UNC79: variants seen among roughly 807,000 people sequenced by gnomAD.
UNC79 encodes protein unc-79 homolog.
Under a neutral mutation model 283.1 loss-of-function variants are expected in UNC79, and 37 were observed. That is an observed-to-expected ratio of 0.13 (90% CI 0.10 to 0.17). The LOEUF is 0.17. Among genes scored for constraint, UNC79 ranks in the 10% least tolerant of loss-of-function variants. The pLI, the probability that UNC79 is intolerant of heterozygous loss-of-function variation, is 1.00. For missense variants in UNC79, 2,272 were observed against 3,211.1 expected, an observed-to-expected ratio of 0.71 and a Z score of 7.07; for synonymous variants, 1,107 against 1,200.2, an observed-to-expected ratio of 0.92 and a Z score of 1.61.
At chr14:93,555,102 C>T (rs1174356919) in intron 14 of UNC79, among the ~76,000 whole-genome samples, 1 of 152,086 alleles carries the variant, frequency 6.6e-6, no homozygotes, top group East Asian at 1.9e-4. Context: ...TCCTGACCTG[C>T]CTAATTTAGA....
chr14:93,464,149 A>T (rs1039117886), intron 1 of UNC79, among the ~76,000 whole-genome samples: 5 of 152,180 alleles, frequency 3.3e-5, no homozygotes, highest in Non-Finnish European at 7.3e-5. Context: ...ACTCCATCTA[A>T]AACAAAACAA....
At chr14:93,584,863 GT>G (rs750489858) in intron 20 of UNC79, among the ~76,000 whole-genome samples, 392 of 140,166 alleles carry the variant, frequency 2.8e-3, no homozygotes, top group African/African-American at 3.6e-3. Flanking sequence ...CTCTGGCTAA[GT>G]TTTTTTTTTT....
chr14:93,421,645 A>C (rs1015913080), intron 1 of UNC79, among the ~76,000 whole-genome samples: 3 of 151,688 alleles, frequency 2.0e-5, no homozygotes, highest in African/African-American at 7.2e-5. Flanking sequence ...AAGAAACATC[A>C]AAAAGAAAAA....
chr14:93,580,370 G>A (rs1260353380), exon 19 of UNC79: 10 of 1,613,480 alleles, frequency 6.2e-6, no homozygotes, highest in South Asian at 1.1e-5. Context: ...AAGAAAGCCG[G>A]CTGGTGGTAA....
At chr14:93,529,831 G>A (rs2141041524) in intron 10 of UNC79, among the ~76,000 whole-genome samples, 1 of 152,252 alleles carries the variant, frequency 6.6e-6, no homozygotes, top group African/African-American at 2.4e-5. Context: ...CCATCTCAAT[G>A]GAAAGACAAG....
chr14:93,563,275 G>T (rs12590312), intron 14 of UNC79, among the ~76,000 whole-genome samples: 151,998 of 152,286 alleles, frequency 1, 75,858 homozygotes, highest in Middle Eastern at 1. Flanking sequence ...CTTATCAGCA[G>T]AAGTGTTGCC....
At chr14:93,378,475 T>G (rs1000927444) in intron 1 of UNC79, among the ~76,000 whole-genome samples, 1 of 152,182 alleles carries the variant, frequency 6.6e-6, no homozygotes, top group Non-Finnish European at 1.5e-5. Context: ...CAGAAGTGTT[T>G]CAGATTTTGT....
At chr14:93,667,266 CAT>C (rs1342889053) in intron 40 of UNC79, among the ~76,000 whole-genome samples, 3 of 152,034 alleles carry the variant, frequency 2.0e-5, no homozygotes, top group East Asian at 1.9e-4. Flanking sequence ...GGAAGGAAAA[CAT>C]AGATACAATG....
At chr14:93,573,627 G>A (rs1161579385) in intron 16 of UNC79, among the ~76,000 whole-genome samples, 1 of 152,182 alleles carries the variant, frequency 6.6e-6, no homozygotes, top group African/African-American at 2.4e-5. Flanking sequence ...GATCCCATAA[G>A]CTCTTCAAGT....
At chr14:93,547,685 T>A (rs1003960801) in intron 14 of UNC79, among the ~76,000 whole-genome samples, 5 of 152,086 alleles carry the variant, frequency 3.3e-5, no homozygotes, top group African/African-American at 1.2e-4. Flanking sequence ...GTCTAGGACA[T>A]GATAAAGACA....
At chr14:93,611,753 T>A (rs1446365970) in intron 26 of UNC79, among the ~76,000 whole-genome samples, 2 of 152,110 alleles carry the variant, frequency 1.3e-5, no homozygotes, top group Non-Finnish European at 2.9e-5. Flanking sequence ...GAATGTTTCC[T>A]TGCAGAATGA....
Position 93,460,280 on chromosome 14 carries a change from C to T in UNC79, c.23-7391C>T, listed in dbSNP as rs1267725915. Among the ~76,000 whole-genome samples, 6 of 144,328 alleles carry T rather than the reference C, an allele frequency of 4.2e-5. No homozygotes were observed. The Admixed American group carries it at 4.2e-4, about 10-fold the overall frequency. The allele number at this position is 144,328 out of a possible 152,430, so 94.7% of individuals were successfully genotyped here. A position where few individuals can be genotyped will look rare whatever the true frequency, so the allele number is the denominator to read the frequency against. On this transcript the variant is annotated intron_variant, in intron 1 of 48. Transcript: ENST00000555664. The stretch of plus-strand genomic sequence containing the variant: ...ATCCCAGCACTTTGGGAGGCTAAGG[C>T]GGGCAGATCATGAGGTCAGGAGTTC...
In UNC79 at chr14:93,564,480, C is replaced by T. The variant is rs571921138; in HGVS notation, c.1756-7414C>T. 4.9e-4 allele frequency among the ~76,000 whole-genome samples: 74 copies of T among 152,244 alleles called. 1 individual carries two copies. The Middle Eastern group carries it at 0.017, about 35-fold the overall frequency. ...AATTTGAGCTTTGGATGGGGATACCCGATATCCTTTGGAGAATAAACGTTG... is the reference window on the plus strand; with the variant it reads ...AATTTGAGCTTTGGATGGGGATACCTGATATCCTTTGGAGAATAAACGTTG... On this transcript the variant is annotated intron_variant, in intron 14 of 48. Coordinates refer to ENST00000555664, the Ensembl canonical transcript of UNC79.
intron 1 of UNC79, among the ~76,000 whole-genome samples, chr14:93,420,219 A>G (rs2140068578): frequency 6.6e-6 from 1 of 151,620 alleles, no homozygotes; most frequent in South Asian, 2.1e-4. Context: ...GTCTACAAGA[A>G]ACACACTTTA....
chr14:93,467,100 TAAC>T (rs775416182), intron 1 of UNC79, among the ~76,000 whole-genome samples: 2 of 152,206 alleles, frequency 1.3e-5, no homozygotes, highest in Non-Finnish European at 2.9e-5. Flanking sequence ...AATCTACTCT[TAAC>T]ATATTCTCAC....
At chr14:93,471,650 C>T (rs996661) in intron 2 of UNC79, among the ~76,000 whole-genome samples, 1 of 151,748 alleles carries the variant, frequency 6.6e-6, no homozygotes, top group Admixed American at 6.6e-5. Context: ...TTCATGAGCC[C>T]TTCTTAAGTT....
At chr14:93,618,435 G>T in intron 29 of UNC79, 81 bp downstream of exon 30, 1 of 1,343,114 alleles carries the variant, frequency 7.4e-7, no homozygotes. Context: ...AGATAGAAGA[G>T]TGTTCCCAGA....
At chr14:93,341,449 C>T (rs1329576611) in intron 1 of UNC79, among the ~76,000 whole-genome samples, 1 of 151,706 alleles carries the variant, frequency 6.6e-6, no homozygotes, top group Non-Finnish European at 1.5e-5. Flanking sequence ...AACTGTGAAA[C>T]TCCGTCTCAA....
At chr14:93,571,925 C>T in exon 15 of UNC79, 3 of 1,614,050 alleles carry the variant, frequency 1.9e-6, no homozygotes, top group Non-Finnish European at 2.5e-6. Flanking sequence ...TCCTGTAGCA[C>T]AGTGACTCAG....
Sources: allele counts gnomAD v4.1 joint callset (sites outside exome capture counted in the v4.1 genomes callset), GRCh38; gene constraint gnomAD v4.1.1; transcripts MANE v1.5; gene names NCBI Gene and HGNC (gene_info 2026-07-23, HGNC 2026-07-21).